Variants in ING3 observed in about 807,000 individuals in gnomAD.
ING3 encodes inhibitor of growth family member 3.
A neutral mutation model predicts 64.8 loss-of-function variants in ING3; 6 were observed. The observed-to-expected ratio is 0.09, with a 90% CI of 0.05 to 0.18. The LOEUF is 0.18. Among genes scored for constraint, ING3 ranks in the 10% least tolerant of loss-of-function variants. The pLI is 1.00. For missense variants in ING3, 310 were observed against 489.7 expected (o/e 0.63, Z 3.46); for synonymous variants, 170 against 173.7 (o/e 0.98, Z 0.17).
chr7:120,968,413 G>A (rs1796025234), intron 8 of ING3, among the ~76,000 whole-genome samples: 1 of 152,126 alleles, frequency 6.6e-6, no homozygotes, highest in African/African-American at 2.4e-5. Context: ...CCAGTTCCAA[G>A]GCTTCCCCTG....
At position 120,966,369 on chromosome 7, in the gene ING3, G is replaced by A. The variant is rs563211015; in HGVS notation, c.365-257G>A. Among the ~76,000 whole-genome samples, 4 of 152,216 alleles carry A rather than the reference G, an allele frequency of 2.6e-5. No individual in the cohort carries two copies. In the East Asian group the frequency reaches 5.8e-4, roughly 22 times the overall value. On this transcript the variant is annotated intron_variant, in intron 5 of 11. Transcript: ENST00000315870. ...TATGGTGAATTCCCTAATTAGACAC[G>A]AGTATGCCTTGAGCCATTTTGTACT...
At chr7:120,968,165 G>T (rs373505862) in intron 8 of ING3, 74 bp downstream of exon 8, 1 of 1,289,626 alleles carries the variant, frequency 7.8e-7, no homozygotes, top group Non-Finnish European at 1.1e-6. Context: ...GAAATAACGG[G>T]ATGTGAACAA....
intron 11 of ING3, among the ~76,000 whole-genome samples, chr7:120,973,652 G>A (rs1201804793): frequency 3.3e-5 from 5 of 152,146 alleles, no homozygotes; most frequent in Non-Finnish European, 7.4e-5. Context: ...TCTAATGTGA[G>A]ATTATCTTCC....
At chr7:120,966,246 G>C (rs1452059555) in intron 5 of ING3, among the ~76,000 whole-genome samples, 1 of 152,024 alleles carries the variant, frequency 6.6e-6, no homozygotes, top group East Asian at 1.9e-4. Context: ...TAGAACTTCA[G>C]AATCTCCCAT....
chr7:120,966,310 A>G (rs1052025025), intron 5 of ING3, among the ~76,000 whole-genome samples: 1 of 152,308 alleles, frequency 6.6e-6, no homozygotes, highest in African/African-American at 2.4e-5. Flanking sequence ...TAATGAGATT[A>G]CAATGTCCAT....
chr7:120,969,413 TAG>T (rs1416604229), intron 9 of ING3, among the ~76,000 whole-genome samples: 3 of 152,230 alleles, frequency 2.0e-5, no homozygotes, highest in Non-Finnish European at 4.4e-5. Flanking sequence ...TTAATTTTTC[TAG>T]AGTCATAAAT....
intron 4 of ING3, among the ~76,000 whole-genome samples, chr7:120,960,666 A>G (rs1422603319): frequency 1.3e-5 from 2 of 152,182 alleles, no homozygotes; most frequent in African/African-American, 2.4e-5. Flanking sequence ...ACCAAACTAC[A>G]TATTATCAAC....
chr7:120,960,991 A>G (rs908812032), intron 4 of ING3, among the ~76,000 whole-genome samples: 5 of 152,092 alleles, frequency 3.3e-5, no homozygotes, highest in Non-Finnish European at 7.4e-5. Context: ...AATACCCTTG[A>G]ACTTGCTTCT....
intron 4 of ING3, chr7:120,956,208 A>T: frequency 6.2e-7 from 1 of 1,605,106 alleles, no homozygotes; most frequent in African/African-American, 1.3e-5. Flanking sequence ...TAGAATATTC[A>T]CTATTTCTCA....
chr7:120,968,348 C>T (rs529747722), intron 8 of ING3, among the ~76,000 whole-genome samples: 1 of 152,238 alleles, frequency 6.6e-6, no homozygotes, highest in African/African-American at 2.4e-5. Flanking sequence ...TCATGTTGCC[C>T]ATGTTCTTGA....
intron 2 of ING3, among the ~76,000 whole-genome samples, chr7:120,952,855 A>G (rs1220698927): frequency 1.3e-5 from 2 of 152,036 alleles, no homozygotes; most frequent in East Asian, 3.9e-4. Flanking sequence ...GATTGTACCT[A>G]CTACTTTCAG....
Position 120,964,403 on chromosome 7 carries a change from G to A in ING3, c.268-339G>A, listed in dbSNP as rs555541216. Among the ~76,000 whole-genome samples, 5 of 152,200 alleles carry A rather than the reference G, an allele frequency of 3.3e-5. No homozygotes were observed. The East Asian group carries it at 9.7e-4, about 29-fold the overall frequency. On this transcript the variant is annotated intron_variant, in intron 4 of 11. Transcript: ENST00000315870. Reference sequence around the variant, plus strand: ...AATCACAGGGCATATTATGAAAAGTGACCAGCCTCCACCATCCCCTCCTCC... The same window carrying A: ...AATCACAGGGCATATTATGAAAAGTAACCAGCCTCCACCATCCCCTCCTCC...
At chr7:120,958,585 A>G (rs1025096895) in intron 4 of ING3, among the ~76,000 whole-genome samples, 8 of 152,150 alleles carry the variant, frequency 5.3e-5, no homozygotes, top group Non-Finnish European at 1.0e-4. Context: ...TTCCTATTCA[A>G]TCAAGAGACT....
intron 3 of ING3, 88 bp from the exon 4 acceptor site, chr7:120,955,471 T>C: frequency 4.6e-6 from 4 of 862,792 alleles, no homozygotes; most frequent in Non-Finnish European, 7.3e-6. Flanking sequence ...GATAACAAGA[T>C]ATGATAATGA....
chr7:120,963,340 A>G (rs1795957202), intron 4 of ING3, among the ~76,000 whole-genome samples: 2 of 152,130 alleles, frequency 1.3e-5, no homozygotes. Flanking sequence ...TGAAAAAATC[A>G]CAAACCAACA....
intron 4 of ING3, chr7:120,955,992 CCT>C: frequency 1.6e-6 from 1 of 610,762 alleles, no homozygotes; most frequent in South Asian, 2.0e-5. Context: ...GTAAAATACA[CCT>C]AAGAAGACTG....
intron 4 of ING3, among the ~76,000 whole-genome samples, chr7:120,958,155 C>T (rs1037693183): frequency 6.6e-6 from 1 of 151,722 alleles, no homozygotes; most frequent in African/African-American, 2.4e-5. Context: ...TTTTCTTCCC[C>T]CACCCTTTCT....
At chr7:120,961,029 A>G (rs1349483552) in intron 4 of ING3, among the ~76,000 whole-genome samples, 1 of 152,162 alleles carries the variant, frequency 6.6e-6, no homozygotes, top group Admixed American at 6.5e-5. Context: ...TGTTCCTGAG[A>G]TGGTTATATT....
At chr7:120,959,630 ATTTTTTTTTTTTTTTTTT>A (rs397889009) in intron 4 of ING3, among the ~76,000 whole-genome samples, 3 of 55,676 alleles carry the variant, frequency 5.4e-5, no homozygotes, top group Non-Finnish European at 9.9e-5. Context: ...ACTTCCTCAC[ATTTTTTTTTTTTTTTTTT>A]TTTTTTTTTT....
Sources: gnomAD v4.1 joint callset for allele counts (sites outside exome capture counted in the v4.1 genomes callset) on GRCh38, gnomAD v4.1.1 for gene constraint, MANE v1.5 for transcripts, NCBI Gene and HGNC (gene_info 2026-07-23, HGNC 2026-07-21) for gene names.